The following BTF3L4 variants were observed in gnomAD, a reference collection of about 807,000 sequenced individuals.
BTF3L4 encodes basic transcription factor 3 like 4.
Under a neutral mutation model 16.8 loss-of-function variants are expected in BTF3L4, and 6 were observed. That is an observed-to-expected ratio of 0.36 (90% CI 0.20 to 0.71). The LOEUF (loss-of-function observed/expected upper bound fraction) is 0.71, where lower values mean the gene tolerates loss of function less well. BTF3L4 is among the 30% of genes least tolerant of loss of function. The pLI, the probability that BTF3L4 is intolerant of heterozygous loss-of-function variation, is 0.58. For synonymous variants in BTF3L4, 39 were observed against 59.8 expected (o/e 0.65, Z 1.60); for missense variants, 92 against 186.9 (o/e 0.49, Z 2.96).
rs1272377651 is a variant in BTF3L4 at position 52,070,311 on chromosome 1, GTTCATTTGGTA to G, written c.168+5375_168+5385del. On this transcript the variant is annotated intron_variant, in intron 3 of 5. Coordinates refer to ENST00000313334, the MANE Select transcript of BTF3L4 (RefSeq NM_152265.5). ...GGTATAATAGTTCATTGGTATAATA[GTTCATTTGGTA>G]TAATAGTTCATTTGGTATAATAGTT... Among the ~76,000 whole-genome samples, 16 of 3,026 alleles carry G rather than the reference GTTCATTTGGTA, an allele frequency of 5.3e-3. 1 individual carries two copies. In the South Asian group the frequency reaches 0.39, roughly 74 times the overall value. 2.0% of individuals were successfully genotyped at this position (3,026 alleles called of 152,430 possible). A position where few individuals can be genotyped will look rare whatever the true frequency, so the allele number is the denominator to read the frequency against.
At chr1:52,072,634 T>C (rs1686818087) in intron 3 of BTF3L4, among the ~76,000 whole-genome samples, 2 of 152,198 alleles carry the variant, frequency 1.3e-5, no homozygotes, top group Admixed American at 1.3e-4. Context: ...TTTTCAGGGT[T>C]CATCGAGGTC....
intron 2 of BTF3L4, among the ~76,000 whole-genome samples, chr1:52,062,943 G>A (rs886900563): frequency 1.3e-5 from 2 of 151,704 alleles, no homozygotes; most frequent in African/African-American, 2.4e-5. Context: ...ACAACGGTTC[G>A]CCCTCCTATG....
intron 3 of BTF3L4, among the ~76,000 whole-genome samples, chr1:52,071,931 CTGTGTGTGTGTGTG>C (rs59491944): frequency 2.4e-4 from 31 of 127,972 alleles, no homozygotes; most frequent in African/African-American, 6.0e-4. Flanking sequence ...GTTTTTTACT[CTGTGTGTGTGTGTG>C]TGTGTGTGTG....
chr1:52,073,447 T>A (rs1686843606), intron 3 of BTF3L4, among the ~76,000 whole-genome samples: 1 of 151,192 alleles, frequency 6.6e-6, no homozygotes, highest in Non-Finnish European at 1.5e-5. Context: ...CATCTTTATG[T>A]ACACTATATA....
intron 3 of BTF3L4, among the ~76,000 whole-genome samples, chr1:52,076,516 G>T (rs771461867): frequency 1.4e-5 from 2 of 146,630 alleles, no homozygotes. Flanking sequence ...GGCGGAGGTC[G>T]CAGTGAGCCG....
At chr1:52,077,773 A>G (rs1306245437) in intron 3 of BTF3L4, among the ~76,000 whole-genome samples, 2 of 152,176 alleles carry the variant, frequency 1.3e-5, no homozygotes, top group East Asian at 1.9e-4. Context: ...GTAGGAGGCT[A>G]CTATGACTAA....
At chr1:52,062,471 AT>A (rs1348879199) in intron 2 of BTF3L4, among the ~76,000 whole-genome samples, 3 of 152,128 alleles carry the variant, frequency 2.0e-5, no homozygotes, top group African/African-American at 7.2e-5. Context: ...AAGTGCTAGG[AT>A]TACAGGTGTG....
intron 2 of BTF3L4, among the ~76,000 whole-genome samples, chr1:52,063,162 TG>T (rs1686563481): frequency 6.6e-6 from 1 of 152,214 alleles, no homozygotes; most frequent in Middle Eastern, 3.4e-3. Context: ...TGATGGGATA[TG>T]GGGGGTAAAG....
chr1:52,061,734 G>A (rs1249619132), intron 2 of BTF3L4, among the ~76,000 whole-genome samples: 4 of 143,174 alleles, frequency 2.8e-5, no homozygotes, highest in Non-Finnish European at 4.5e-5. Context: ...TCCGCCTCCT[G>A]GATTCAGGCA....
At chr1:52,070,951 T>G (rs1036727693) in intron 3 of BTF3L4, among the ~76,000 whole-genome samples, 3 of 152,140 alleles carry the variant, frequency 2.0e-5, no homozygotes, top group African/African-American at 7.2e-5. Context: ...TAACCAGCTT[T>G]TTGAAAGGAA....
At position 52,079,910 on chromosome 1, in the gene BTF3L4, C is replaced by T. The variant is rs544767623; in HGVS notation, c.169-3430C>T. Among the ~76,000 whole-genome samples, 313 of 146,460 alleles carry T rather than the reference C, an allele frequency of 2.1e-3. 2 individuals are homozygous for T. The highest frequency in any genetic ancestry group is 7.5e-3 in the African/African-American group (295 of 39,416). On this transcript the variant is annotated intron_variant, in intron 3 of 5. Coordinates refer to ENST00000313334, the MANE Select transcript of BTF3L4 (RefSeq NM_152265.5). Reference sequence around the variant, plus strand: ...TTTTTGAGACAGGGTCTCGCTCTGTCGCCCAGGCTAGAGTGCAATGGCATG... The same window carrying T: ...TTTTTGAGACAGGGTCTCGCTCTGTTGCCCAGGCTAGAGTGCAATGGCATG...
At chr1:52,080,507 T>A (rs912367884) in intron 3 of BTF3L4, among the ~76,000 whole-genome samples, 2 of 148,172 alleles carry the variant, frequency 1.3e-5, no homozygotes, top group Non-Finnish European at 3.0e-5. Flanking sequence ...TTAGAAATCT[T>A]TGGTTTTTTG....
intron 3 of BTF3L4, among the ~76,000 whole-genome samples, chr1:52,073,784 G>A (rs1371450980): frequency 6.6e-6 from 1 of 151,186 alleles, no homozygotes; most frequent in South Asian, 2.1e-4. Context: ...TGGATCATGA[G>A]GTCAGGAGTT....
At chr1:52,078,926 A>G (rs1485587334) in intron 3 of BTF3L4, among the ~76,000 whole-genome samples, 1 of 152,210 alleles carries the variant, frequency 6.6e-6, no homozygotes, top group East Asian at 1.9e-4. Context: ...TGCTAATTTA[A>G]TAGTCCTTTT....
At chr1:52,057,661 ATAGACTGAG>A (rs2124407683) in intron 1 of BTF3L4, among the ~76,000 whole-genome samples, 1 of 152,332 alleles carries the variant, frequency 6.6e-6, no homozygotes, top group African/African-American at 2.4e-5. Context: ...TTGACATCGC[ATAGACTGAG>A]TCCAGTCCTC....
chr1:52,085,892 C>T (rs915189486), intron 4 of BTF3L4, among the ~76,000 whole-genome samples: 4 of 151,986 alleles, frequency 2.6e-5, no homozygotes, highest in Non-Finnish European at 4.4e-5. Context: ...ATCTTTGTCA[C>T]ACATGGAAAT....
chr1:52,065,336 G>T, intron 3 of BTF3L4: 2 of 153,932 alleles, frequency 1.3e-5, no homozygotes, highest in Non-Finnish European at 2.9e-5. Context: ...CACGATCTTG[G>T]CTCACTGCAA....
chr1:52,078,660 C>T (rs942288497), intron 3 of BTF3L4, among the ~76,000 whole-genome samples: 1 of 152,222 alleles, frequency 6.6e-6, no homozygotes, highest in East Asian at 1.9e-4. Context: ...AATGGTTCTT[C>T]TAAACAGTGA....
intron 3 of BTF3L4, among the ~76,000 whole-genome samples, chr1:52,080,226 A>G (rs1368267155): frequency 6.6e-6 from 1 of 152,136 alleles, no homozygotes; most frequent in Non-Finnish European, 1.5e-5. Context: ...GTAGGAAGGA[A>G]ACAAGAACAA....
Sources: gnomAD v4.1 joint callset for allele counts (sites outside exome capture counted in the v4.1 genomes callset) on GRCh38, gnomAD v4.1.1 for gene constraint, MANE v1.5 for transcripts, NCBI Gene and HGNC (gene_info 2026-07-23, HGNC 2026-07-21) for gene names.